Variants in RAB6B observed in about 807,000 individuals in gnomAD.
RAB6B encodes RAB6B, member RAS oncogene family.
A neutral mutation model predicts 31.2 loss-of-function variants in RAB6B; 7 were observed. The observed-to-expected ratio is 0.22, with a 90% confidence interval of 0.13 to 0.42. The LOEUF is 0.42. RAB6B is among the 10% of genes least tolerant of loss of function. The probability of loss-of-function intolerance (pLI) is 1.00; values close to 1 mark genes in which losing one functional copy is unlikely to be tolerated. For missense variants in RAB6B, 149 were observed against 280.6 expected, an observed-to-expected ratio of 0.53 and a Z score of 3.35; for synonymous variants, 105 against 104.9, an observed-to-expected ratio of 1.00 and a Z score of -0.01.
At chr3:133,865,217 C>T (rs147019088) in intron 1 of RAB6B, among the ~76,000 whole-genome samples, 3,020 of 152,278 alleles carry the variant, frequency 0.02, 51 homozygotes, top group Non-Finnish European at 0.033. Context: ...GGATGTTTAG[C>T]ATACCTGGAA....
chr3:133,889,388 T>TTA (rs5852771), intron 1 of RAB6B, among the ~76,000 whole-genome samples: 135 of 80,146 alleles, frequency 1.7e-3, no homozygotes, highest in Non-Finnish European at 2.2e-3. Context: ...GGTTATTTTG[T>TTA]TATATATATA....
intron 4 of RAB6B, among the ~76,000 whole-genome samples, chr3:133,840,007 T>C (rs528305887): frequency 6.8e-5 from 10 of 147,612 alleles, no homozygotes; most frequent in Middle Eastern, 6.9e-3. Flanking sequence ...CACACACACA[T>C]GCGCGCGCGA....
intron 1 of RAB6B, among the ~76,000 whole-genome samples, chr3:133,892,365 G>C (rs1002413928): frequency 1.3e-5 from 2 of 152,158 alleles, no homozygotes; most frequent in African/African-American, 4.8e-5. Flanking sequence ...ACAGGCCAGG[G>C]GGACAGCTGC....
chr3:133,845,269 T>TC (rs1201325314), intron 2 of RAB6B, among the ~76,000 whole-genome samples: 2 of 152,212 alleles, frequency 1.3e-5, no homozygotes, highest in African/African-American at 4.8e-5. Context: ...AAAAGGCACA[T>TC]CCTTTGGGGA....
At chr3:133,866,675 G>T (rs12629931) in intron 1 of RAB6B, among the ~76,000 whole-genome samples, 4 of 152,328 alleles carry the variant, frequency 2.6e-5, no homozygotes, top group South Asian at 2.1e-4. Flanking sequence ...GTGAGAAGTA[G>T]GGGGCCTCCC....
chr3:133,836,716 G>C (rs1004253075), intron 6 of RAB6B, among the ~76,000 whole-genome samples: 1 of 152,034 alleles, frequency 6.6e-6, no homozygotes, highest in Non-Finnish European at 1.5e-5. Flanking sequence ...AGTCTCTCCT[G>C]CATGCCCCCA....
chr3:133,830,937 G>A (rs1460477314), intron 7 of RAB6B, among the ~76,000 whole-genome samples: 1 of 152,208 alleles, frequency 6.6e-6, no homozygotes, highest in East Asian at 1.9e-4. Context: ...AATTTATGGT[G>A]AGCCAAAACG....
At chr3:133,887,141 G>A (rs1461160556) in intron 1 of RAB6B, among the ~76,000 whole-genome samples, 1 of 152,188 alleles carries the variant, frequency 6.6e-6, no homozygotes, top group African/African-American at 2.4e-5. Flanking sequence ...CTCCCACCAG[G>A]CTGTGGAAAG....
At chr3:133,841,498 C>A (rs912309647) in intron 3 of RAB6B, 108 bp from the exon 4 acceptor site, 20 of 1,533,926 alleles carry the variant, frequency 1.3e-5, no homozygotes, top group African/African-American at 5.5e-5. Context: ...GCATCACCAG[C>A]TCCAGCCCCT....
intron 2 of RAB6B, among the ~76,000 whole-genome samples, chr3:133,843,161 C>T (rs1257974069): frequency 4.6e-5 from 7 of 152,286 alleles, no homozygotes; most frequent in South Asian, 4.2e-4. Context: ...CTGGAGCATA[C>T]GATGCTAGAA....
At chr3:133,836,955 C>A (rs147698185) in intron 6 of RAB6B, among the ~76,000 whole-genome samples, 1 of 152,208 alleles carries the variant, frequency 6.6e-6, no homozygotes, top group Non-Finnish European at 1.5e-5. Context: ...ACAGGGCAAA[C>A]CATCACTGCA....
intron 2 of RAB6B, among the ~76,000 whole-genome samples, chr3:133,848,208 CA>C (rs1414584178): frequency 6.6e-6 from 1 of 152,230 alleles, no homozygotes; most frequent in Non-Finnish European, 1.5e-5. Flanking sequence ...TCCAGGCGCC[CA>C]CGCCTCTGGA....
At chr3:133,842,162 G>A (rs1413291921) in intron 2 of RAB6B, among the ~76,000 whole-genome samples, 2 of 152,272 alleles carry the variant, frequency 1.3e-5, no homozygotes, top group African/African-American at 4.8e-5. Flanking sequence ...ACAGCAGCAT[G>A]GCTTTTCTCA....
At chr3:133,854,293 G>A (rs1456510643) in intron 2 of RAB6B, among the ~76,000 whole-genome samples, 1 of 152,226 alleles carries the variant, frequency 6.6e-6, no homozygotes, top group African/African-American at 2.4e-5. Context: ...CTTGGTCAAA[G>A]CATTCTTTCT....
chr3:133,839,424 A>G, intron 5 of RAB6B, 82 bp downstream of exon 5: 1 of 1,215,426 alleles, frequency 8.2e-7, no homozygotes, highest in Non-Finnish European at 1.2e-6. Context: ...CACACCACCC[A>G]TGCATCCCAG....
rs1936698732 is a variant in RAB6B at position 133,895,578 on chromosome 3, AG to A, written c.-113del. On this transcript the variant is annotated 5_prime_UTR_variant, in exon 1 of 8. Coordinates refer to ENST00000285208, the MANE Select transcript of RAB6B (RefSeq NM_016577.4). ...CGGCGGTGCGGGAGCCGGAGGGGGAAGGGCTGGCTGCGCGCGTCCCTGACTC... is the reference window on the plus strand; with the variant it reads ...CGGCGGTGCGGGAGCCGGAGGGGGAAGGCTGGCTGCGCGCGTCCCTGACTC... 9.3e-6 allele frequency: 10 copies of A among 1,075,774 alleles called. No individual in the cohort carries two copies. Among genetic ancestry groups the A allele is most frequent in the Non-Finnish European group, 1.4e-5 (10 of 728,696 alleles). 66.6% of individuals were successfully genotyped at this position (1,075,774 alleles called of 1,614,324 possible).
chr3:133,860,624 C>T (rs1299202909), intron 2 of RAB6B, among the ~76,000 whole-genome samples: 2 of 152,250 alleles, frequency 1.3e-5, no homozygotes, highest in African/African-American at 4.8e-5. Flanking sequence ...CAGAGCATCT[C>T]AGGCAACCCC....
chr3:133,855,022 G>C (rs1275338388), intron 2 of RAB6B, among the ~76,000 whole-genome samples: 2 of 152,236 alleles, frequency 1.3e-5, no homozygotes, highest in Admixed American at 1.3e-4. Flanking sequence ...TTTTAGCCTT[G>C]GCCAGGCCTG....
At position 133,827,684 on chromosome 3, in the gene RAB6B, C is replaced by T; in HGVS notation, c.*1104G>A. On this transcript the variant is annotated 3_prime_UTR_variant, in exon 8 of 8. Transcript: ENST00000285208. ...ATCAGCTTTTCCAGAAAGCACTCAACAATATTAGCAGCTGAGGCTCTAAGA... is the reference window on the plus strand; with the variant it reads ...ATCAGCTTTTCCAGAAAGCACTCAATAATATTAGCAGCTGAGGCTCTAAGA... The T allele has an allele frequency of 1.8e-6, 1 of 571,322 alleles. No homozygotes were observed. Among genetic ancestry groups the T allele is most frequent in the Non-Finnish European group, 3.1e-6 (1 of 323,066 alleles). The allele number at this position is 571,322 out of a possible 1,614,324, so 35.4% of individuals were successfully genotyped here. A position where few individuals can be genotyped will look rare whatever the true frequency, so the allele number is the denominator to read the frequency against.
Sources: gnomAD v4.1 joint callset for allele counts (sites outside exome capture counted in the v4.1 genomes callset) on GRCh38, gnomAD v4.1.1 for gene constraint, MANE v1.5 for transcripts, NCBI Gene and HGNC (gene_info 2026-07-23, HGNC 2026-07-21) for gene names.